Variants in PARD3B observed in about 807,000 individuals in gnomAD.
PARD3B encodes the protein par-3 family cell polarity regulator beta.
In PARD3B, 103 loss-of-function variants were observed where a neutral mutation model predicts 130.2. The ratio of observed to expected loss-of-function variants is 0.79; its 90% confidence interval spans 0.67 to 0.93. The LOEUF (loss-of-function observed/expected upper bound fraction) is 0.93. Ranked by LOEUF, PARD3B falls within the 40% of genes least tolerant of loss-of-function variation. The probability of loss-of-function intolerance (pLI) is 0.00; values close to 1 mark genes in which losing one functional copy is unlikely to be tolerated. For missense variants in PARD3B, 1,609 were observed against 1,499.2 expected, an observed-to-expected ratio of 1.07 and a Z score of -1.21; for synonymous variants, 583 against 553.2, an observed-to-expected ratio of 1.05 and a Z score of -0.76.
At chr2:204,598,792 A>G (rs953605697) in intron 1 of PARD3B, among the ~76,000 whole-genome samples, 9 of 151,916 alleles carry the variant, frequency 5.9e-5, no homozygotes, top group Admixed American at 3.9e-4. Flanking sequence ...TTATTTCCTT[A>G]AGTCAATTTC....
chr2:205,351,295 C>G lies in PARD3B; in HGVS notation c.2630+49594C>G, dbSNP rs116279635. On this transcript the variant is annotated intron_variant, in intron 18 of 22. Transcript: ENST00000406610. This position sits in a 1 kb window ranked among gnomAD's most constrained non-coding sequence, Gnocchi z 4.2. ...ACCGGTGTTTTTGATAAGACCACTC[C>G]TTTGTGGAGTTGTATCAGGGAATAG... is the stretch of plus-strand genomic sequence containing the variant. 1.3e-5 allele frequency among the ~76,000 whole-genome samples: 2 copies of G among 152,102 alleles called. No individual in the cohort carries two copies. The highest frequency in any genetic ancestry group is 4.8e-5 in the African/African-American group (2 of 41,414).
At chr2:205,423,896 CAT>C (rs1184677828) in intron 19 of PARD3B, among the ~76,000 whole-genome samples, 1 of 151,994 alleles carries the variant, frequency 6.6e-6, no homozygotes, top group African/African-American at 2.4e-5. Flanking sequence ...GATGAGAACA[CAT>C]AGAGGGGAAC....
intron 2 of PARD3B, among the ~76,000 whole-genome samples, chr2:204,948,547 T>G (rs758010429): frequency 6.6e-6 from 1 of 152,152 alleles, no homozygotes; most frequent in Non-Finnish European, 1.5e-5. Context: ...TCTGACCACA[T>G]TTAAAACATT....
At chr2:204,626,935 A>G (rs558931994) in intron 1 of PARD3B, among the ~76,000 whole-genome samples, 2 of 152,076 alleles carry the variant, frequency 1.3e-5, no homozygotes, top group Non-Finnish European at 2.9e-5. Context: ...TAATCCCCAC[A>G]TGTTGAGGGA....
chr2:205,379,183 A>G (rs1401560873), intron 18 of PARD3B, among the ~76,000 whole-genome samples: 2 of 152,170 alleles, frequency 1.3e-5, no homozygotes, highest in Non-Finnish European at 2.9e-5. Flanking sequence ...AGGCTCCATA[A>G]TTCAGCTACT....
chr2:204,875,385 A>C (rs1321875215), intron 2 of PARD3B, among the ~76,000 whole-genome samples: 2 of 152,162 alleles, frequency 1.3e-5, no homozygotes, highest in Non-Finnish European at 2.9e-5. Context: ...TCTAGTTTTC[A>C]ATTCCTTTGT....
At chr2:205,004,337 G>A (rs1695083425) in intron 3 of PARD3B, among the ~76,000 whole-genome samples, 2 of 152,184 alleles carry the variant, frequency 1.3e-5, no homozygotes, top group African/African-American at 4.8e-5. Flanking sequence ...CTCCCTCTGA[G>A]TAAATGATTT....
At chr2:205,237,821 A>G (rs1456850689) in intron 15 of PARD3B, among the ~76,000 whole-genome samples, 1 of 152,152 alleles carries the variant, frequency 6.6e-6, no homozygotes, top group Non-Finnish European at 1.5e-5. Context: ...TACTCAAAAT[A>G]CAAGTGAATT....
rs537153682 is a variant in PARD3B at position 204,691,905 on chromosome 2, C to T, written c.222+5623C>T. On this transcript the variant is annotated intron_variant, in intron 2 of 22. Transcript: ENST00000406610. Reference sequence around the variant, plus strand: ...TGGATTAATATATTGTTATTATTTGCGAAATGAAAATGCCAGTATGATTAA... The same window carrying T: ...TGGATTAATATATTGTTATTATTTGTGAAATGAAAATGCCAGTATGATTAA... Among the ~76,000 whole-genome samples, 20 of 152,028 alleles carry T rather than the reference C, an allele frequency of 1.3e-4. No individual in the cohort carries two copies. In the South Asian group the frequency reaches 1.5e-3, roughly 11 times the overall value.
chr2:205,158,717 A>G lies in PARD3B; in HGVS notation c.1435-5A>G. 6.2e-7 allele frequency: 1 copy of G among 1,607,104 alleles called. No homozygotes were observed. Among genetic ancestry groups the G allele is most frequent in the East Asian group, 2.2e-5 (1 of 44,820 alleles). On this transcript the variant is annotated splice_polypyrimidine_tract_variant and splice_region_variant and intron_variant, in intron 10 of 22. Coordinates refer to ENST00000406610, the MANE Select transcript of PARD3B (RefSeq NM_001302769.2). This position sits in a 1 kb window ranked among gnomAD's most constrained non-coding sequence, Gnocchi z 5.4. ...TCACTCTTTTCATGTGTATTCCCCT[A>G]ACAGAAAGGAGAACCTGACTGCTGT... is the stretch of plus-strand genomic sequence containing the variant.
At chr2:205,491,457 A>T (rs760167428) in intron 20 of PARD3B, among the ~76,000 whole-genome samples, 17 of 152,048 alleles carry the variant, frequency 1.1e-4, no homozygotes, top group Non-Finnish European at 2.4e-4. Context: ...GTTCTGTTCT[A>T]TTGGTCTATA....
chr2:205,507,278 G>A (rs147331967), intron 21 of PARD3B, among the ~76,000 whole-genome samples: 2,926 of 132,876 alleles, frequency 0.022, 100 homozygotes, highest in African/African-American at 0.073. Flanking sequence ...GCAGTGGCAC[G>A]ATCTCTGCTC....
chr2:205,314,794 C>T (rs533894908), intron 18 of PARD3B, among the ~76,000 whole-genome samples: 4 of 152,296 alleles, frequency 2.6e-5, no homozygotes, highest in Middle Eastern at 6.8e-3. Context: ...TCAGCTTCAA[C>T]ATGTCTAAAA....
Position 205,158,678 on chromosome 2 carries a change from C to A in PARD3B, c.1435-44C>A. 6.6e-7 allele frequency: 1 copy of A among 1,523,274 alleles called. No homozygotes were observed. The allele number at this position is 1,523,274 out of a possible 1,614,324, so 94.4% of individuals were successfully genotyped here. A position where few individuals can be genotyped will look rare whatever the true frequency, so the allele number is the denominator to read the frequency against. On this transcript the variant is annotated intron_variant, in intron 10 of 22. Transcript: ENST00000406610. The surrounding 1 kb of genome is among the most constrained non-coding windows in gnomAD (Gnocchi z 5.4). ...TCATCTGAGAGAGTGAAATATTAAT[C>A]TGCTTTCTTCTCTTCACTCTTTTCA...
chr2:205,045,596 T>C (rs1379937539), intron 3 of PARD3B, among the ~76,000 whole-genome samples: 2 of 152,084 alleles, frequency 1.3e-5, no homozygotes, highest in African/African-American at 2.4e-5. Flanking sequence ...TAGTGTGTTA[T>C]TATTTAAAAA....
At chr2:204,620,120 G>A (rs576959826) in intron 1 of PARD3B, among the ~76,000 whole-genome samples, 10 of 152,236 alleles carry the variant, frequency 6.6e-5, no homozygotes, top group Non-Finnish European at 1.3e-4. Flanking sequence ...TCCTGCCACA[G>A]CCTCCCAAGT....
chr2:205,445,138 A>T (rs1442039284), intron 20 of PARD3B, among the ~76,000 whole-genome samples: 1 of 152,190 alleles, frequency 6.6e-6, no homozygotes, highest in Non-Finnish European at 1.5e-5. Flanking sequence ...TCATATGATT[A>T]CTGCAGAAAC....
intron 16 of PARD3B, among the ~76,000 whole-genome samples, chr2:205,247,168 A>G (rs553683019): frequency 1.9e-4 from 29 of 152,288 alleles, no homozygotes; most frequent in African/African-American, 6.7e-4. Context: ...ATTTTTATCA[A>G]TTTGGTTTTT....
chr2:205,284,577 C>T (rs1456426956), intron 16 of PARD3B, among the ~76,000 whole-genome samples: 1 of 152,122 alleles, frequency 6.6e-6, no homozygotes, highest in African/African-American at 2.4e-5. Flanking sequence ...AAGGCTCTGA[C>T]CCATTAATGG....
Sources: gnomAD v4.1 joint callset for allele counts (sites outside exome capture counted in the v4.1 genomes callset) on GRCh38, gnomAD v4.1.1 for gene constraint, Gnocchi (gnomAD v3.1) non-coding constraint, MANE v1.5 for transcripts, NCBI Gene and HGNC (gene_info 2026-07-23, HGNC 2026-07-21) for gene names.